The following KIF1B variants were observed in gnomAD, a reference collection of about 807,000 sequenced individuals.
KIF1B encodes kinesin family member 1B.
In KIF1B, 76 loss-of-function variants were observed where a neutral mutation model predicts 241.9. That is an observed-to-expected ratio of 0.31 (90% confidence interval 0.26 to 0.38). KIF1B has a LOEUF of 0.38. Among genes scored for constraint, KIF1B ranks in the 10% least tolerant of loss-of-function variants. The pLI, the probability that KIF1B is intolerant of heterozygous loss-of-function variation, is 1.00. For synonymous variants in KIF1B, 750 were observed against 796.7 expected (o/e 0.94, Z 0.99); for missense variants, 1,622 against 2,271.4 (o/e 0.71, Z 5.81).
At chr1:10,301,067 ATG>A (rs978022425) in intron 22 of KIF1B, among the ~76,000 whole-genome samples, 1 of 152,138 alleles carries the variant, frequency 6.6e-6, no homozygotes, top group Non-Finnish European at 1.5e-5. Context: ...AGGTGTGATG[ATG>A]TGTGCCTGTA....
chr1:10,238,557 T>G (rs186357783), intron 2 of KIF1B, among the ~76,000 whole-genome samples: 4 of 151,660 alleles, frequency 2.6e-5, no homozygotes, highest in Admixed American at 6.6e-5. Flanking sequence ...TACAAAAAAT[T>G]AGCTGAGCAT....
At chr1:10,254,733 T>C (rs966758834) in intron 2 of KIF1B, among the ~76,000 whole-genome samples, 3 of 151,548 alleles carry the variant, frequency 2.0e-5, no homozygotes, top group Non-Finnish European at 4.4e-5. Flanking sequence ...AAAAATTAGC[T>C]GGGCGTGGTG....
chr1:10,323,127 G>A (rs970065629), intron 24 of KIF1B, among the ~76,000 whole-genome samples: 1 of 152,062 alleles, frequency 6.6e-6, no homozygotes, highest in African/African-American at 2.4e-5. Context: ...CTTCTAGTGT[G>A]CTGGGATTAC....
At chr1:10,313,457 C>G (rs1047922010) in intron 22 of KIF1B, among the ~76,000 whole-genome samples, 1 of 150,848 alleles carries the variant, frequency 6.6e-6, no homozygotes, top group East Asian at 1.9e-4. Context: ...GCTTAAAAAC[C>G]GGGGTAGATA....
chr1:10,252,802 C>T (rs1239014606), intron 2 of KIF1B, among the ~76,000 whole-genome samples: 1 of 151,936 alleles, frequency 6.6e-6, no homozygotes, highest in African/African-American at 2.4e-5. Context: ...TCACTGCAAC[C>T]TCCACCTCTC....
Position 10,352,632 on chromosome 1 carries a change from T to A in KIF1B, c.3951T>A (p.Gly1317=). The A allele has an allele frequency of 6.2e-7, 1 of 1,612,044 alleles. No individual in the cohort carries two copies. The highest frequency in any genetic ancestry group is 2.2e-5 in the East Asian group (1 of 44,858). The change falls in exon 38 of 49, where the codon GGT becomes GGA. Residue 1317 remains glycine, a splice_region_variant and synonymous_variant. Transcript: ENST00000676179. ...HWKDVRELVV[G]RIRNKPEVDE... ...TGTTTTTTTTATCCTTTCTTTTAGG[T>A]CGTATTCGGAATAAGCCTGAGGTGG... is the stretch of plus-strand genomic sequence containing the variant.
At chr1:10,367,446 G>T (rs1032079511) in intron 43 of KIF1B, among the ~76,000 whole-genome samples, 28 of 151,746 alleles carry the variant, frequency 1.8e-4, no homozygotes, top group African/African-American at 6.0e-4. Flanking sequence ...GCACACGCCT[G>T]TAATCCCAGC....
At chr1:10,288,478 G>A (rs563070432) in intron 15 of KIF1B, among the ~76,000 whole-genome samples, 2 of 152,192 alleles carry the variant, frequency 1.3e-5, no homozygotes, top group African/African-American at 4.8e-5. Context: ...AGCTGTTTTA[G>A]CCTTTGAGCC....
At chr1:10,292,585 C>T (rs188595349) in intron 17 of KIF1B, among the ~76,000 whole-genome samples, 4 of 152,344 alleles carry the variant, frequency 2.6e-5, no homozygotes, top group Admixed American at 2.6e-4. Context: ...TATAGACAGC[C>T]ATTGTACTAA....
At chr1:10,306,934 A>G in intron 22 of KIF1B, 1 of 1,046,330 alleles carries the variant, frequency 9.6e-7, no homozygotes, top group East Asian at 5.6e-5. Flanking sequence ...TCCACTGGTG[A>G]TTAGGTAATA....
chr1:10,326,210 C>A lies in KIF1B; in HGVS notation c.2775C>A (p.Asp925Glu). 1 of 1,614,134 alleles carries A rather than the reference C, an allele frequency of 6.2e-7. No individual in the cohort carries two copies. The highest frequency in any genetic ancestry group is 1.3e-5 in the African/African-American group (1 of 75,012). Reference sequence around the variant, plus strand: ...ATTCCGACATCACTGAGCTGGCTGACGAGCAGCAAGATGAGATGGAGGATT... The same window carrying A: ...ATTCCGACATCACTGAGCTGGCTGAAGAGCAGCAAGATGAGATGGAGGATT... ...TADSDITELA[D>E]EQQDEMEDFD... Residue 925 changes from aspartate to glutamate, a missense_variant, in exon 27 of 49, where the codon GAC becomes GAA. Transcript: ENST00000676179. The surrounding 1 kb of genome is among the most constrained non-coding windows in gnomAD (Gnocchi z 5.2).
At chr1:10,285,545 A>T (rs1302248413) in intron 15 of KIF1B, among the ~76,000 whole-genome samples, 1 of 152,228 alleles carries the variant, frequency 6.6e-6, no homozygotes, top group Non-Finnish European at 1.5e-5. Flanking sequence ...CTCTGTTTTA[A>T]TTCTTCCTTA....
intron 45 of KIF1B, among the ~76,000 whole-genome samples, chr1:10,373,873 G>A (rs1177688336): frequency 1.3e-5 from 2 of 152,176 alleles, no homozygotes; most frequent in African/African-American, 2.4e-5. Flanking sequence ...AAAGTTTCTC[G>A]TTCCGTAGGT....
chr1:10,347,669 G>T, intron 35 of KIF1B, 92 bp from the exon 36 acceptor site: 1 of 1,006,644 alleles, frequency 9.9e-7, no homozygotes. Flanking sequence ...GAAAGACATG[G>T]GATCAGAATT....
chr1:10,373,409 A>G (rs1044615256), intron 45 of KIF1B, among the ~76,000 whole-genome samples: 2 of 149,106 alleles, frequency 1.3e-5, no homozygotes, highest in African/African-American at 5.0e-5. Context: ...TAATTTTTGT[A>G]TTTTTAGTAG....
chr1:10,268,772 A>C (rs1167829959), intron 7 of KIF1B, among the ~76,000 whole-genome samples: 1 of 151,764 alleles, frequency 6.6e-6, no homozygotes, highest in African/African-American at 2.4e-5. Context: ...TTCATTTTCT[A>C]TAGTGGTTAA....
intron 9 of KIF1B, among the ~76,000 whole-genome samples, chr1:10,272,667 T>C (rs1445098931): frequency 4.6e-5 from 7 of 152,066 alleles, no homozygotes. Flanking sequence ...TTTTGGAGTA[T>C]TTTGAGCAGT....
At chr1:10,289,564 C>T (rs746403290) in intron 15 of KIF1B, among the ~76,000 whole-genome samples, 4 of 152,114 alleles carry the variant, frequency 2.6e-5, no homozygotes, top group Non-Finnish European at 4.4e-5. Context: ...CACTATCTGA[C>T]ATACTGTGTA....
intron 20 of KIF1B, 110 bp from the exon 21 acceptor site, chr1:10,296,787 A>T: frequency 1.4e-6 from 2 of 1,393,418 alleles, no homozygotes; most frequent in Non-Finnish European, 2.0e-6. Flanking sequence ...TCTTGTAAAA[A>T]CAACAGCTCT....
Sources: gnomAD v4.1 joint callset for allele counts (sites outside exome capture counted in the v4.1 genomes callset) on GRCh38, gnomAD v4.1.1 for gene constraint, Gnocchi (gnomAD v3.1) non-coding constraint, MANE v1.5 for transcripts, NCBI Gene and HGNC (gene_info 2026-07-23, HGNC 2026-07-21) for gene names.